The following CD274 variants were observed in gnomAD, a reference collection of about 807,000 sequenced individuals.
CD274 encodes the protein CD274 molecule, also known as programmed cell death 1 ligand 1.
CD274 carries 8 observed loss-of-function variants against 30.1 expected under a neutral mutation model. The observed-to-expected ratio is 0.27, with a 90% CI of 0.16 to 0.48. The LOEUF (loss-of-function observed/expected upper bound fraction) is 0.48. Among genes scored for constraint, CD274 ranks in the 20% least tolerant of loss-of-function variants. The pLI is 0.99. For missense variants in CD274, 353 were observed against 346.6 expected (o/e 1.02, Z -0.15); for synonymous variants, 152 against 124.6 (o/e 1.22, Z -1.46).
intron 3 of CD274, among the ~76,000 whole-genome samples, chr9:5,461,088 A>G (rs1352947151): frequency 6.6e-6 from 1 of 152,208 alleles, no homozygotes; most frequent in Non-Finnish European, 1.5e-5. Context: ...GGCATAATAT[A>G]CCTTAGGGTG....
At chr9:5,450,920 G>A (rs1467646167) in intron 1 of CD274, among the ~76,000 whole-genome samples, 1 of 152,184 alleles carries the variant, frequency 6.6e-6, no homozygotes, top group East Asian at 1.9e-4. Flanking sequence ...CTGATGCTAG[G>A]CTGGAGGTCT....
chr9:5,458,392 T>C (rs1299995201), intron 3 of CD274, among the ~76,000 whole-genome samples: 2 of 152,186 alleles, frequency 1.3e-5, no homozygotes, highest in Non-Finnish European at 2.9e-5. Flanking sequence ...CCCTTCCATA[T>C]CCTGTTGAAA....
chr9:5,456,387 G>C (rs1033243918), intron 2 of CD274, among the ~76,000 whole-genome samples: 1 of 152,154 alleles, frequency 6.6e-6, no homozygotes. Context: ...CAAATTGAAA[G>C]ACACAAAATA....
rs2131211119 is a variant in CD274 at position 5,457,112 on chromosome 9, T to A, written c.86T>A (p.Val29Glu). The A allele has an allele frequency of 6.2e-7, 1 of 1,613,598 alleles. No individual in the cohort carries two copies. The highest frequency in any genetic ancestry group is 8.5e-7 in the Non-Finnish European group (1 of 1,179,524). The change falls in exon 3 of 7, where the codon GTG (valine) becomes GAG (glutamate). Residue 29 changes from valine (V) to glutamate (E), a missense_variant. Transcript: ENST00000381577. ...GTCACGGTTCCCAAGGACCTATATG[T>A]GGTAGAGTATGGTAGCAATATGACA... ...FTVTVPKDLY[V>E]VEYGSNMTIE...
intron 1 of CD274, among the ~76,000 whole-genome samples, chr9:5,453,651 TTTAATGAAA>T (rs1194952325): frequency 6.6e-6 from 1 of 152,256 alleles, no homozygotes; most frequent in Admixed American, 6.5e-5. Flanking sequence ...TGCCATAAGC[TTTAATGAAA>T]CAAATGGGTA....
intron 3 of CD274, among the ~76,000 whole-genome samples, chr9:5,459,636 T>G (rs1044347972): frequency 1.3e-5 from 2 of 152,222 alleles, no homozygotes; most frequent in Non-Finnish European, 2.9e-5. Context: ...ATTCACTCAA[T>G]TATCACTATC....
chr9:5,452,431 C>T (rs1819223978), intron 1 of CD274, among the ~76,000 whole-genome samples: 1 of 152,192 alleles, frequency 6.6e-6, no homozygotes, highest in African/African-American at 2.4e-5. Context: ...CCCACTTCCC[C>T]AACCTGAATG....
rs1819433988 is a variant in CD274 at position 5,463,026 on chromosome 9, C to T, written c.587C>T (p.Thr196Ile). ...REEKLFNVTS[T>I]LRINTTTNEI... ...GAGAAGCTTTTCAATGTGACCAGCA[C>T]ACTGAGAATCAACACAACAACTAAT... The change falls in exon 4 of 7, where the codon ACA (threonine) becomes ATA (isoleucine). Residue 196 changes from threonine to isoleucine, a missense_variant. Physicochemically the swap from Thr to Ile is moderately conservative, Grantham distance 89. Coordinates refer to ENST00000381577, the MANE Select transcript of CD274 (RefSeq NM_014143.4). 3 of 1,613,828 alleles carry T rather than the reference C, an allele frequency of 1.9e-6. No homozygotes were observed. The highest frequency in any genetic ancestry group is 2.7e-5 in the African/African-American group (2 of 74,922).
rs1819521694 is a variant in CD274, at chr9:5,467,820, A to T, written c.851-20A>T. On this transcript the variant is annotated intron_variant, in intron 6 of 6. Transcript: ENST00000381577. Reference sequence around the variant, plus strand: ...CCAGACCACTTCCCATGAAATTAATATACTATTATCACTCTCCAGATACAC... The same window carrying T: ...CCAGACCACTTCCCATGAAATTAATTTACTATTATCACTCTCCAGATACAC... 6.3e-7 allele frequency: 1 copy of T among 1,597,126 alleles called. No homozygotes were observed.
At chr9:5,454,716 TAC>T (rs1187658602) in intron 1 of CD274, among the ~76,000 whole-genome samples, 1 of 152,104 alleles carries the variant, frequency 6.6e-6, no homozygotes, top group African/African-American at 2.4e-5. Context: ...CATCCGCATT[TAC>T]GATTGTAATA....
chr9:5,466,864 C>G (rs748391894), intron 6 of CD274, 35 bp downstream of exon 6: 1 of 1,471,212 alleles, frequency 6.8e-7, no homozygotes, highest in Non-Finnish European at 9.4e-7. Flanking sequence ...AAGTAAAAGT[C>G]AAAGGAAACA....
At chr9:5,454,609 C>G (rs1366127579) in intron 1 of CD274, among the ~76,000 whole-genome samples, 3 of 149,112 alleles carry the variant, frequency 2.0e-5, no homozygotes, top group African/African-American at 7.5e-5. Context: ...GAGCAATGCT[C>G]TTCCTTTACA....
intron 5 of CD274, 95 bp downstream of exon 5, chr9:5,465,701 A>G: frequency 1.4e-6 from 1 of 736,138 alleles, no homozygotes; most frequent in Non-Finnish European, 2.4e-6. Context: ...AACCTCTGCA[A>G]GGTGGTGCAA....
intron 1 of CD274, among the ~76,000 whole-genome samples, chr9:5,454,819 T>C (rs901185303): frequency 2.0e-5 from 3 of 152,192 alleles, no homozygotes; most frequent in Non-Finnish European, 4.4e-5. Flanking sequence ...CACTAAATAT[T>C]AGAAATATTT....
intron 3 of CD274, among the ~76,000 whole-genome samples, chr9:5,461,644 TA>T (rs1355028159): frequency 6.6e-6 from 1 of 151,860 alleles, no homozygotes; most frequent in South Asian, 2.1e-4. Flanking sequence ...GTATTAGAAG[TA>T]AAAAAAAGAT....
At position 5,469,114 on chromosome 9, in the gene CD274, T is replaced by G. The variant is rs564189967; in HGVS notation, c.*1252T>G. 114 of 233,032 alleles carry G rather than the reference T, an allele frequency of 4.9e-4. No homozygotes were observed. The highest frequency in any genetic ancestry group is 8.2e-4 in the Non-Finnish European group (97 of 117,970). 14.4% of individuals were successfully genotyped at this position (233,032 alleles called of 1,614,324 possible). A position where few individuals can be genotyped will look rare whatever the true frequency, so the allele number is the denominator to read the frequency against. ...GGACGGTTGGATATACTTAAACATC[T>G]TAATAATCAGAGTAATTTTCATTTA... On this transcript the variant is annotated 3_prime_UTR_variant, in exon 7 of 7. Transcript: ENST00000381577.
Position 5,470,182 on chromosome 9 carries a change from A to C in CD274, c.*2320A>C, listed in dbSNP as rs907908854. The C allele has an allele frequency of 4.3e-6, 1 of 232,894 alleles. No individual in the cohort carries two copies. Among genetic ancestry groups the C allele is most frequent in the African/African-American group, 2.2e-5 (1 of 45,342 alleles). 14.4% of individuals were successfully genotyped at this position (232,894 alleles called of 1,614,324 possible). ...TGCCACATGTCAAGGCTGAAGAAAC[A>C]GTGTCTCCAACAGAGCTCCTTGTGT... On this transcript the variant is annotated 3_prime_UTR_variant, in exon 7 of 7. Coordinates refer to ENST00000381577, the MANE Select transcript of CD274 (RefSeq NM_014143.4).
chr9:5,457,505 A>G (rs1819327992), intron 3 of CD274, 85 bp downstream of exon 3: 8 of 1,061,160 alleles, frequency 7.5e-6, no homozygotes, highest in Middle Eastern at 2.2e-4. Context: ...GTAAGTCCAT[A>G]CTTATTTTCA....
intron 3 of CD274, among the ~76,000 whole-genome samples, chr9:5,461,371 G>GTA (rs1469780310): frequency 6.6e-6 from 1 of 152,222 alleles, no homozygotes; most frequent in East Asian, 1.9e-4. Flanking sequence ...TTGAAAATCC[G>GTA]TAGCTACCCC....
Sources: allele counts gnomAD v4.1 joint callset (sites outside exome capture counted in the v4.1 genomes callset), GRCh38; gene constraint gnomAD v4.1.1; transcripts MANE v1.5; gene names NCBI Gene and HGNC (gene_info 2026-07-23, HGNC 2026-07-21).